The following CLIP4 variants were observed in gnomAD, a reference collection of about 807,000 sequenced individuals.
The protein encoded by CLIP4 is CAP-Gly domain containing linker protein family member 4.
CLIP4 carries 47 observed loss-of-function variants against 73.1 expected under a neutral mutation model. That is an observed-to-expected ratio of 0.64 (90% CI 0.51 to 0.82). The LOEUF (loss-of-function observed/expected upper bound fraction) is 0.82. Ranked by LOEUF, CLIP4 falls within the 40% of genes least tolerant of loss-of-function variation. The pLI, the probability that CLIP4 is intolerant of heterozygous loss-of-function variation, is 0.00. For missense variants in CLIP4, 874 were observed against 852.9 expected (o/e 1.02, Z -0.31); for synonymous variants, 306 against 295.4 (o/e 1.04, Z -0.37).
At chr2:29,181,363 C>T (rs538346485) in intron 15 of CLIP4, among the ~76,000 whole-genome samples, 5 of 152,222 alleles carry the variant, frequency 3.3e-5, no homozygotes, top group African/African-American at 1.2e-4. Context: ...ATGCGTGGAC[C>T]CACGTACTTC....
At chr2:29,179,618 G>A (rs867402237) in intron 15 of CLIP4, among the ~76,000 whole-genome samples, 5 of 152,160 alleles carry the variant, frequency 3.3e-5, no homozygotes, top group Admixed American at 6.5e-5. Context: ...AAGAGATAAC[G>A]TATGTGAAGT....
At chr2:29,152,314 G>A (rs1490130870) in intron 8 of CLIP4, among the ~76,000 whole-genome samples, 1 of 152,006 alleles carries the variant, frequency 6.6e-6, no homozygotes, top group Non-Finnish European at 1.5e-5. Flanking sequence ...GAAATACATA[G>A]GTTCAAATTT....
rs1667447829 is a variant in CLIP4 at position 29,163,961 on chromosome 2, G to A, written c.1658+7G>A. ...CCCCATCCAGGGTGCAAAGGTGAGA[G>A]AATGAAATTTATGTTTATTTACAGA... On this transcript the variant is annotated splice_region_variant and intron_variant, in intron 13 of 15. Transcript: ENST00000320081. 3.1e-6 allele frequency: 5 copies of A among 1,608,036 alleles called. No individual in the cohort carries two copies. Among genetic ancestry groups the A allele is most frequent in the Non-Finnish European group, 4.2e-6 (5 of 1,177,588 alleles).
rs779180511 is a variant in CLIP4, at chr2:29,132,208, T to C, written c.330T>C (p.Leu110=). The C allele has an allele frequency of 6.2e-7, 1 of 1,613,810 alleles. No individual in the cohort carries two copies. The highest frequency in any genetic ancestry group is 1.1e-5 in the South Asian group (1 of 91,068). ...GAGATGGATTGACAGATATGACTCTTTTACATTATACCTGCAAATCTGGAG... is the reference window on the plus strand; with the variant it reads ...GAGATGGATTGACAGATATGACTCTCTTACATTATACCTGCAAATCTGGAG... The part of the protein sequence containing the change: ...NDRDGLTDMT[L]LHYTCKSGAH... Residue 110 remains leucine (L), a synonymous_variant, in exon 4 of 16, where the codon CTT becomes CTC. Transcript: ENST00000320081.
At chr2:29,136,440 C>T (rs1665367004) in intron 6 of CLIP4, among the ~76,000 whole-genome samples, 1 of 151,922 alleles carries the variant, frequency 6.6e-6, no homozygotes, top group Non-Finnish European at 1.5e-5. Context: ...TCTTCTCTTC[C>T]TCCCTCCCTC....
chr2:29,169,410 G>T (rs1168248187), intron 14 of CLIP4, among the ~76,000 whole-genome samples: 1 of 149,084 alleles, frequency 6.7e-6, no homozygotes, highest in Non-Finnish European at 1.5e-5. Context: ...AGTCATGTTG[G>T]ATTAGAGCCT....
At chr2:29,136,511 C>A (rs1665373330) in intron 6 of CLIP4, among the ~76,000 whole-genome samples, 1 of 151,992 alleles carries the variant, frequency 6.6e-6, no homozygotes, top group African/African-American at 2.4e-5. Flanking sequence ...AGATAAAGCC[C>A]TTGCCCTCAA....
intron 1 of CLIP4, among the ~76,000 whole-genome samples, chr2:29,104,817 C>T (rs748225453): frequency 2.6e-5 from 4 of 152,210 alleles, no homozygotes; most frequent in Non-Finnish European, 5.9e-5. Context: ...GGTCACTTGA[C>T]AAGCTGAGCC....
In CLIP4 at chr2:29,150,643, C is replaced by CTTTT. The variant is rs34553625; in HGVS notation, c.1022-2020_1022-2017dup. ...CATAACTTAATTTTTTTGATTTGCT[C>CTTTT]TTTTTTTTTTTTTTTTTTTTTTTTT... On this transcript the variant is annotated intron_variant, in intron 8 of 15. Coordinates refer to ENST00000320081, the MANE Select transcript of CLIP4 (RefSeq NM_024692.6). 6.9e-4 allele frequency among the ~76,000 whole-genome samples: 55 copies of CTTTT among 80,250 alleles called. 1 individual carries two copies. Among genetic ancestry groups the CTTTT allele is most frequent in the African/African-American group, 1.9e-3 (43 of 22,792 alleles). 52.6% of individuals were successfully genotyped at this position (80,250 alleles called of 152,430 possible).
chr2:29,166,536 C>CAG (rs1667631200), intron 13 of CLIP4, among the ~76,000 whole-genome samples: 1 of 104,682 alleles, frequency 9.6e-6, no homozygotes, highest in South Asian at 2.5e-4. Flanking sequence ...CACAGACACA[C>CAG]ACACACACAC....
chr2:29,143,680 G>T, intron 6 of CLIP4, 29 bp from the exon 7 acceptor site: 1 of 1,456,524 alleles, frequency 6.9e-7, no homozygotes. Flanking sequence ...AGTAAGAGTT[G>T]AACATTTTTC....
chr2:29,102,372 AC>A, intron 1 of CLIP4, among the ~76,000 whole-genome samples: 1 of 152,248 alleles, frequency 6.6e-6, no homozygotes, highest in African/African-American at 2.4e-5. Context: ...CACCTGCCCC[AC>A]GAACATCACC....
intron 12 of CLIP4, among the ~76,000 whole-genome samples, chr2:29,162,547 G>A (rs923488051): frequency 2.6e-5 from 4 of 152,142 alleles, no homozygotes; most frequent in African/African-American, 9.7e-5. Flanking sequence ...ATGTTTCCAA[G>A]AGTTACATGG....
At chr2:29,171,090 C>G (rs187473101) in intron 14 of CLIP4, among the ~76,000 whole-genome samples, 1 of 152,228 alleles carries the variant, frequency 6.6e-6, no homozygotes, top group Non-Finnish European at 1.5e-5. Context: ...AGGCCTTTCA[C>G]CTGTGTATAT....
At chr2:29,123,737 A>G (rs1475754047) in intron 2 of CLIP4, among the ~76,000 whole-genome samples, 1 of 152,232 alleles carries the variant, frequency 6.6e-6, no homozygotes, top group Non-Finnish European at 1.5e-5. Flanking sequence ...CGGCCAGGTC[A>G]TGCGGGGTCA....
chr2:29,167,213 A>C (rs991935457), intron 13 of CLIP4, among the ~76,000 whole-genome samples: 1 of 152,228 alleles, frequency 6.6e-6, no homozygotes, highest in Non-Finnish European at 1.5e-5. Context: ...AGATGAGGTT[A>C]CAAAGAAATT....
intron 6 of CLIP4, among the ~76,000 whole-genome samples, chr2:29,137,427 A>G (rs1286756229): frequency 6.6e-6 from 1 of 152,168 alleles, no homozygotes; most frequent in Non-Finnish European, 1.5e-5. Context: ...TCCACTATTG[A>G]TGAGCACCTA....
chr2:29,146,536 TATTGATTTCA>T (rs1187164975), intron 8 of CLIP4, among the ~76,000 whole-genome samples: 1 of 152,244 alleles, frequency 6.6e-6, no homozygotes, highest in Admixed American at 6.5e-5. Context: ...CTATCCTGTC[TATTGATTTCA>T]ATTTGATTTT....
At chr2:29,117,338 G>GT (rs1663928647) in intron 1 of CLIP4, among the ~76,000 whole-genome samples, 1 of 145,708 alleles carries the variant, frequency 6.9e-6, no homozygotes, top group Admixed American at 6.9e-5. Context: ...TCTTTTTTTT[G>GT]TTTTTGTTTT....
Sources: gnomAD v4.1 joint callset for allele counts (sites outside exome capture counted in the v4.1 genomes callset) on GRCh38, gnomAD v4.1.1 for gene constraint, MANE v1.5 for transcripts, NCBI Gene and HGNC (gene_info 2026-07-23, HGNC 2026-07-21) for gene names.